Variants in RHPN2 observed in about 807,000 individuals in gnomAD.
RHPN2 encodes the protein rhophilin Rho GTPase binding protein 2.
In RHPN2, 40 loss-of-function variants were observed where a neutral mutation model predicts 79.0. That is an observed-to-expected ratio of 0.51 (90% CI 0.39 to 0.66). The LOEUF (loss-of-function observed/expected upper bound fraction) is 0.66. RHPN2 is among the 30% of genes least tolerant of loss of function. The pLI is 0.00. For synonymous variants in RHPN2, 285 were observed against 363.5 expected, an observed-to-expected ratio of 0.78 and a Z score of 2.46; for missense variants, 686 against 883.5, an observed-to-expected ratio of 0.78 and a Z score of 2.83.
intron 4 of RHPN2, among the ~76,000 whole-genome samples, chr19:33,013,863 C>CTTTATTTTAT (rs112772629): frequency 6.8e-6 from 1 of 146,776 alleles, no homozygotes; most frequent in African/African-American, 2.5e-5. Context: ...TTTTATTTTA[C>CTTTATTTTAT]TTTATTTTAT....
intron 6 of RHPN2, among the ~76,000 whole-genome samples, chr19:33,010,150 G>A (rs1386856299): frequency 6.6e-6 from 1 of 152,118 alleles, no homozygotes; most frequent in Non-Finnish European, 1.5e-5. Context: ...TCATGACTAA[G>A]GAGAAACCAC....
chr19:33,054,480 G>C (rs916267522), intron 1 of RHPN2, among the ~76,000 whole-genome samples: 10 of 152,154 alleles, frequency 6.6e-5, no homozygotes, highest in African/African-American at 1.9e-4. Flanking sequence ...GATCACAGGT[G>C]TGAGCCACTG....
chr19:33,023,581 A>G (rs1446808826), intron 3 of RHPN2, among the ~76,000 whole-genome samples: 1 of 151,624 alleles, frequency 6.6e-6, no homozygotes, highest in Admixed American at 6.6e-5. Context: ...AGGTCAGGAG[A>G]TCGAGACCAT....
chr19:32,995,239 A>C (rs1169899866), intron 11 of RHPN2, among the ~76,000 whole-genome samples: 1 of 149,694 alleles, frequency 6.7e-6, no homozygotes, highest in Admixed American at 6.7e-5. Flanking sequence ...CACCTGATGA[A>C]TTTTTTTTTT....
intron 2 of RHPN2, among the ~76,000 whole-genome samples, chr19:33,030,140 G>C (rs1599825547): frequency 6.6e-6 from 1 of 152,112 alleles, no homozygotes; most frequent in South Asian, 2.1e-4. Flanking sequence ...CGAAGTCTCT[G>C]CCCTCACCAC....
chr19:32,993,902 G>C (rs771085402), intron 12 of RHPN2, 75 bp downstream of exon 12: 21 of 1,070,242 alleles, frequency 2.0e-5, no homozygotes, highest in Non-Finnish European at 3.1e-5. Context: ...AGCCCACATG[G>C]ACTAAGACAC....
intron 14 of RHPN2, among the ~76,000 whole-genome samples, chr19:32,990,165 G>GAAAGAAAGAAAGAAAGAAAGAAAGAA (rs373722067): frequency 2.0e-5 from 3 of 149,630 alleles, no homozygotes; most frequent in African/African-American, 7.4e-5. Context: ...AAGAAAGAAA[G>GAAAGAAAGAAAGAAAGAAAGAAAGAA]AGCGAGCCAG....
At chr19:33,059,527 T>C (rs929228830) in intron 1 of RHPN2, among the ~76,000 whole-genome samples, 1 of 152,046 alleles carries the variant, frequency 6.6e-6, no homozygotes, top group Non-Finnish European at 1.5e-5. Context: ...CTCAAACTTC[T>C]GACCTCAGGT....
At chr19:33,011,350 A>G (rs7257754) in intron 6 of RHPN2, among the ~76,000 whole-genome samples, 35,712 of 151,952 alleles carry the variant, frequency 0.24, 4,331 homozygotes, top group East Asian at 0.37. Context: ...GTCCAATCTG[A>G]GATAAGAATC....
intron 10 of RHPN2, among the ~76,000 whole-genome samples, chr19:32,997,430 C>T (rs1454577327): frequency 6.6e-6 from 1 of 151,588 alleles, no homozygotes; most frequent in Non-Finnish European, 1.5e-5. Flanking sequence ...GCAGGGTAAG[C>T]GGAGATGGTA....
intron 1 of RHPN2, among the ~76,000 whole-genome samples, chr19:33,059,367 C>T (rs564191270): frequency 2.0e-5 from 3 of 150,750 alleles, no homozygotes; most frequent in East Asian, 2.0e-4. Flanking sequence ...GGCGCGATCT[C>T]GGCTCACTGC....
chr19:32,988,698 C>A (rs1167818606), intron 14 of RHPN2, among the ~76,000 whole-genome samples: 4 of 151,996 alleles, frequency 2.6e-5, no homozygotes, highest in African/African-American at 9.7e-5. Context: ...GGGCTCTGTA[C>A]CTGTAAGTGC....
intron 14 of RHPN2, among the ~76,000 whole-genome samples, chr19:32,981,522 AAG>A (rs1482008277): frequency 2.0e-5 from 3 of 151,198 alleles, no homozygotes; most frequent in South Asian, 2.1e-4. Flanking sequence ...AAAAAAAAAA[AAG>A]AGTATGCAGT....
At position 32,996,007 on chromosome 19, in the gene RHPN2, C is replaced by T; in HGVS notation, c.1420+19G>A. ...GGCACAGGCACCCCCACAGAGGGAA[C>T]ACAGTCTAGGCTACTCACCAACAAC... is the stretch of plus-strand genomic sequence containing the variant. On this transcript the variant is annotated intron_variant, in intron 11 of 14. Transcript: ENST00000254260. 6.2e-7 allele frequency: 1 copy of T among 1,613,788 alleles called. No individual in the cohort carries two copies. The highest frequency in any genetic ancestry group is 8.5e-7 in the Non-Finnish European group (1 of 1,179,730).
chr19:33,014,604 C>A (rs1373979096), intron 4 of RHPN2, among the ~76,000 whole-genome samples: 1 of 152,126 alleles, frequency 6.6e-6, no homozygotes, highest in Admixed American at 6.6e-5. Context: ...CTGCACCCAG[C>A]TGACTATGCC....
At chr19:32,988,644 CCTT>C (rs1260152695) in intron 14 of RHPN2, among the ~76,000 whole-genome samples, 8 of 78,020 alleles carry the variant, frequency 1.0e-4, no homozygotes, top group Non-Finnish European at 1.9e-4. Context: ...TGCCAAAAGG[CCTT>C]CTTTTTGCCT....
chr19:33,019,955 A>G (rs1210117179), intron 4 of RHPN2, among the ~76,000 whole-genome samples: 1 of 152,064 alleles, frequency 6.6e-6, no homozygotes, highest in Non-Finnish European at 1.5e-5. Context: ...AAACTGATGG[A>G]GTTGAAGAGG....
chr19:33,020,156 A>G (rs1599820872), intron 4 of RHPN2, among the ~76,000 whole-genome samples: 1 of 152,128 alleles, frequency 6.6e-6, no homozygotes, highest in Non-Finnish European at 1.5e-5. Context: ...AGGTGGGCTT[A>G]TGAGGATCTG....
intron 2 of RHPN2, among the ~76,000 whole-genome samples, chr19:33,032,217 C>T (rs1972019180): frequency 6.6e-6 from 1 of 151,960 alleles, no homozygotes. Flanking sequence ...GACGGGGTTT[C>T]ACCATGTTGG....
Sources: allele counts gnomAD v4.1 joint callset (sites outside exome capture counted in the v4.1 genomes callset), GRCh38; gene constraint gnomAD v4.1.1; transcripts MANE v1.5; gene names NCBI Gene and HGNC (gene_info 2026-07-23, HGNC 2026-07-21).